FRMD6: variants seen among roughly 807,000 people sequenced by gnomAD.
The protein encoded by FRMD6 is FERM domain containing 6, also known as FERM domain-containing protein 6.
In FRMD6, 37 loss-of-function variants were observed where a neutral mutation model predicts 73.2. The ratio of observed to expected loss-of-function variants is 0.51; its 90% CI spans 0.39 to 0.66. The LOEUF (loss-of-function observed/expected upper bound fraction) is 0.66. Ranked by LOEUF, FRMD6 falls within the 30% of genes least tolerant of loss-of-function variation. The pLI, the probability that FRMD6 is intolerant of heterozygous loss-of-function variation, is 0.00. For missense variants in FRMD6, 714 were observed against 780.5 expected, an observed-to-expected ratio of 0.91 and a Z score of 1.02; for synonymous variants, 273 against 282.2, an observed-to-expected ratio of 0.97 and a Z score of 0.33.
chr14:51,470,316 A>C, the FRMD6 span, among the ~76,000 whole-genome samples: 1 of 152,212 alleles, frequency 6.6e-6, no homozygotes, highest in Non-Finnish European at 1.5e-5. Flanking sequence ...CGAGAGTTCC[A>C]AACAAGGCTG....
intron 1 of FRMD6, among the ~76,000 whole-genome samples, chr14:51,551,010 T>C (rs1167761176): frequency 6.6e-6 from 1 of 152,224 alleles, no homozygotes; most frequent in African/African-American, 2.4e-5. Context: ...TTGGATGACC[T>C]TCACTTGTCC....
intron 2 of FRMD6, among the ~76,000 whole-genome samples, chr14:51,595,369 G>T (rs1020345195): frequency 7.2e-5 from 11 of 152,126 alleles, no homozygotes; most frequent in Admixed American, 7.2e-4. Context: ...AAACACTTTA[G>T]CATTTCCTTA....
At chr14:51,401,142 T>C in the FRMD6 span, among the ~76,000 whole-genome samples, 1 of 152,222 alleles carries the variant, frequency 6.6e-6, no homozygotes, top group Non-Finnish European at 1.5e-5. Context: ...GCAGTCTAAT[T>C]AAGCAACCAA....
the FRMD6 span, among the ~76,000 whole-genome samples, chr14:51,429,021 G>A: frequency 5.1e-3 from 723 of 140,816 alleles, 6 homozygotes; most frequent in Middle Eastern, 0.011. Flanking sequence ...AGAGAGGGTG[G>A]GAGAGAGAGG....
chr14:51,648,366 G>A (rs1474065185), upstream of FRMD6, among the ~76,000 whole-genome samples: 1 of 152,158 alleles, frequency 6.6e-6, no homozygotes, highest in East Asian at 1.9e-4. Context: ...GCATGGCTCT[G>A]TGTGCTTGTT....
chr14:51,682,455 T>A (rs2140311437), intron 1 of FRMD6, among the ~76,000 whole-genome samples: 1 of 152,288 alleles, frequency 6.6e-6, no homozygotes, highest in South Asian at 2.1e-4. Context: ...AAGCAGTCAG[T>A]CAGCTTCTTG....
chr14:51,700,981 C>G, intron 3 of FRMD6, 75 bp from the exon 4 acceptor site: 1 of 663,242 alleles, frequency 1.5e-6, no homozygotes, highest in African/African-American at 1.9e-5. Context: ...TTAAAAGAAA[C>G]TTGTTTCTTT....
the FRMD6 span, among the ~76,000 whole-genome samples, chr14:51,480,984 G>A: frequency 2.0e-5 from 3 of 152,218 alleles, no homozygotes; most frequent in African/African-American, 7.2e-5. Flanking sequence ...AAGCATAATT[G>A]TCAAAGGGAA....
intron 1 of FRMD6, among the ~76,000 whole-genome samples, chr14:51,666,280 G>GCAT (rs1566545687): frequency 2.0e-5 from 3 of 152,136 alleles, no homozygotes; most frequent in Admixed American, 6.5e-5. Context: ...AGATGAATGC[G>GCAT]TCATTACTAT....
At chr14:51,416,980 G>C in the FRMD6 span, among the ~76,000 whole-genome samples, 7 of 151,348 alleles carry the variant, frequency 4.6e-5, no homozygotes, top group East Asian at 9.7e-4. Context: ...TGCAACCCCT[G>C]CTTTTTTTTT....
Position 51,704,942 on chromosome 14 carries a change from A to G in FRMD6, c.558+7A>G. 6.3e-7 allele frequency: 1 copy of G among 1,592,312 alleles called. No individual in the cohort carries two copies. The highest frequency in any genetic ancestry group is 8.6e-7 in the Non-Finnish European group (1 of 1,164,218). On this transcript the variant is annotated splice_region_variant and intron_variant, in intron 6 of 13. Transcript: ENST00000344768. ...GGCTTACTTCCCATCTTGGGTAAGC[A>G]CTGTTTTCAAATTCGAAAGAGTGTT...
the FRMD6 span, among the ~76,000 whole-genome samples, chr14:51,424,529 T>A: frequency 2.0e-5 from 3 of 152,102 alleles, no homozygotes. Flanking sequence ...GGCATTTAAA[T>A]ACAACCATTT....
chr14:51,656,250 A>G (rs768856318), intron 1 of FRMD6, among the ~76,000 whole-genome samples: 72 of 152,156 alleles, frequency 4.7e-4, no homozygotes, highest in Admixed American at 2.9e-3. Context: ...CAGAACACTG[A>G]GAAGGGGAAA....
chr14:51,686,684 C>T (rs1373741074), intron 1 of FRMD6, among the ~76,000 whole-genome samples: 3 of 151,980 alleles, frequency 2.0e-5, no homozygotes, highest in African/African-American at 7.2e-5. Context: ...ATCCTAAGAT[C>T]ATTGGACAGG....
intron 1 of FRMD6, among the ~76,000 whole-genome samples, chr14:51,554,038 A>G (rs546951892): frequency 6.6e-6 from 1 of 152,272 alleles, no homozygotes; most frequent in East Asian, 1.9e-4. Flanking sequence ...GCAAAAAAAT[A>G]TACAAGATGA....
chr14:51,586,392 A>T (rs954122054), intron 2 of FRMD6, among the ~76,000 whole-genome samples: 11 of 152,094 alleles, frequency 7.2e-5, no homozygotes, highest in Non-Finnish European at 1.3e-4. Context: ...CTTTTGAAAA[A>T]TGCCTGTTGA....
chr14:51,570,355 A>C (rs144232065), exon 2 of FRMD6: 2 of 152,174 alleles, frequency 1.3e-5, no homozygotes, highest in African/African-American at 2.4e-5. Flanking sequence ...CAGCCTTCAT[A>C]TCTGTTTTTT....
chr14:51,510,682 G>C (rs6572767), intron 1 of FRMD6, among the ~76,000 whole-genome samples: 94,944 of 151,360 alleles, frequency 0.63, 31,928 homozygotes, highest in African/African-American at 0.87. Flanking sequence ...ATCACGCGTT[G>C]ACCAGAGCCA....
At chr14:51,666,516 G>T (rs1208027975) in intron 1 of FRMD6, among the ~76,000 whole-genome samples, 1 of 152,138 alleles carries the variant, frequency 6.6e-6, no homozygotes, top group Non-Finnish European at 1.5e-5. Context: ...TGAGACTTCG[G>T]GGCAGTCTGA....
Sources: allele counts gnomAD v4.1 joint callset (sites outside exome capture counted in the v4.1 genomes callset), GRCh38; gene constraint gnomAD v4.1.1; transcripts MANE v1.5; gene names NCBI Gene and HGNC (gene_info 2026-07-23, HGNC 2026-07-21).